PDE1C: variants seen among roughly 807,000 people sequenced by gnomAD.
The protein encoded by PDE1C is phosphodiesterase 1C, also known as dual specificity calcium/calmodulin-dependent 3',5'-cyclic nucleotide phosphodiesterase 1C.
In PDE1C, 62 loss-of-function variants were observed where a neutral mutation model predicts 93.1. The ratio of observed to expected loss-of-function variants is 0.67; its 90% CI spans 0.54 to 0.82. The LOEUF is 0.82. Among genes scored for constraint, PDE1C ranks in the 40% least tolerant of loss-of-function variants. The pLI is 0.00. For missense variants in PDE1C, 742 were observed against 884.6 expected (o/e 0.84, Z 2.04); for synonymous variants, 325 against 310.1 (o/e 1.05, Z -0.50).
At chr7:32,353,613 C>T (rs1156988695) in intron 1 of PDE1C, among the ~76,000 whole-genome samples, 4 of 142,488 alleles carry the variant, frequency 2.8e-5, no homozygotes, top group Non-Finnish European at 4.5e-5. Flanking sequence ...GCACAGATGG[C>T]ATTTGACCAA....
intron 1 of PDE1C, among the ~76,000 whole-genome samples, chr7:32,389,190 GGTT>G (rs1784703014): frequency 1.6e-5 from 2 of 127,934 alleles, no homozygotes; most frequent in South Asian, 2.9e-4. Context: ...GTGTGTGTGT[GGTT>G]TTTTTGGTTT....
chr7:32,102,892 T>TGC (rs1798106347), intron 3 of PDE1C, among the ~76,000 whole-genome samples: 1 of 152,162 alleles, frequency 6.6e-6, no homozygotes, highest in Non-Finnish European at 1.5e-5. Context: ...CTCGGTGGCA[T>TGC]TGCTTCACAT....
intron 1 of PDE1C, among the ~76,000 whole-genome samples, chr7:32,390,848 G>T (rs1784736489): frequency 6.6e-6 from 1 of 151,624 alleles, no homozygotes; most frequent in African/African-American, 2.4e-5. Flanking sequence ...GTGAGTCCTT[G>T]TCAGAAAAAA....
rs762010193 is a variant in PDE1C, at chr7:31,837,919, G to C, written c.1033C>G (p.His345Asp). ...EMVMATDMSCHFQQIKAMKTA... is the reference protein window; with the variant it reads ...EMVMATDMSCDFQQIKAMKTA... ...TTCATTGCTTTGATTTGTTGGAAGT[G>C]ACAAGACATATCTGTGGCCATCACC... The change falls in exon 10 of 18, where the codon CAC (histidine) becomes GAC (aspartate). Residue 345 changes from histidine (H) to aspartate (D), a missense_variant. Physicochemically the swap from His to Asp is moderately conservative, Grantham distance 81. Around this residue, in one of 4 missense-constraint regions of PDE1C, gnomAD observed 454 missense variants for 459.4 expected, o/e 0.99. Coordinates refer to ENST00000396191, the MANE Select transcript of PDE1C (RefSeq NM_001191057.4). The C allele has an allele frequency of 6.2e-7, 1 of 1,613,734 alleles. No homozygotes were observed.
At chr7:31,925,090 TGCATGCGCATGA>T (rs1803193067) in intron 2 of PDE1C, among the ~76,000 whole-genome samples, 1 of 130,642 alleles carries the variant, frequency 7.7e-6, no homozygotes, top group African/African-American at 2.9e-5. Flanking sequence ...TGTGTGTGTG[TGCATGCGCATGA>T]GTGTGTGTGA....
At chr7:31,980,702 TC>T (rs1402843915) in intron 2 of PDE1C, among the ~76,000 whole-genome samples, 1 of 152,162 alleles carries the variant, frequency 6.6e-6, no homozygotes, top group Non-Finnish European at 1.5e-5. Context: ...CTAAAATGGG[TC>T]TCACAGGGCT....
At chr7:32,282,168 A>AG (rs952574638) in intron 1 of PDE1C, among the ~76,000 whole-genome samples, 10 of 151,864 alleles carry the variant, frequency 6.6e-5, no homozygotes, top group East Asian at 5.8e-4. Flanking sequence ...AAAAAAAAAA[A>AG]AAAGAAAGAA....
At chr7:32,229,470 T>C (rs1016972704) in intron 1 of PDE1C, among the ~76,000 whole-genome samples, 1 of 152,226 alleles carries the variant, frequency 6.6e-6, no homozygotes, top group African/African-American at 2.4e-5. Context: ...TCTGTGGGAG[T>C]ACCCTGTTGG....
the PDE1C span, among the ~76,000 whole-genome samples, chr7:31,620,776 G>C: frequency 2.0e-5 from 3 of 152,180 alleles, no homozygotes; most frequent in Non-Finnish European, 4.4e-5. Context: ...CTTTGAGGAG[G>C]CGAGAGAAGA....
chr7:32,394,013 C>T (rs1269566811), intron 1 of PDE1C, among the ~76,000 whole-genome samples: 2 of 152,074 alleles, frequency 1.3e-5, no homozygotes, highest in African/African-American at 4.8e-5. Context: ...AGAAAAAATA[C>T]AGGTTACTAG....
At chr7:31,654,520 G>A in the PDE1C span, among the ~76,000 whole-genome samples, 145 of 152,244 alleles carry the variant, frequency 9.5e-4, no homozygotes, top group Non-Finnish European at 1.7e-3. Flanking sequence ...TGGAGAAAAC[G>A]CCCCTGGGGG....
rs1347313224 is a variant in PDE1C at position 32,420,140 on chromosome 7, C to T, written c.310+7682G>A. Among the ~76,000 whole-genome samples, 164 of 31,146 alleles carry T rather than the reference C, an allele frequency of 5.3e-3. 3 individuals carry two copies. The highest frequency in any genetic ancestry group is 6.5e-3 in the Non-Finnish European group (91 of 13,968). The allele number at this position is 31,146 out of a possible 152,430, so 20.4% of individuals were successfully genotyped here. On this transcript the variant is annotated intron_variant, in intron 1 of 1. Coordinates refer to the PDE1C transcript ENST00000672256. ...ATATATATATACACACACACACACA[C>T]ACACACACACACACACACATATATA... is the stretch of plus-strand genomic sequence containing the variant.
intron 2 of PDE1C, among the ~76,000 whole-genome samples, chr7:31,959,172 G>T (rs1808554290): frequency 6.6e-6 from 1 of 151,742 alleles, no homozygotes; most frequent in African/African-American, 2.4e-5. Flanking sequence ...CATAATTTTG[G>T]TCAATTTGTT....
chr7:32,257,465 T>A (rs1010103397), intron 1 of PDE1C, among the ~76,000 whole-genome samples: 1 of 152,218 alleles, frequency 6.6e-6, no homozygotes. Flanking sequence ...TTATGTGGCT[T>A]ATTTGTGCCT....
chr7:31,641,191 G>A, the PDE1C span, among the ~76,000 whole-genome samples: 1 of 152,108 alleles, frequency 6.6e-6, no homozygotes, highest in Non-Finnish European at 1.5e-5. Context: ...GCAGAGGCTG[G>A]GATCATTTCC....
At chr7:32,253,040 T>C (rs1809505506) in intron 1 of PDE1C, among the ~76,000 whole-genome samples, 1 of 152,162 alleles carries the variant, frequency 6.6e-6, no homozygotes, top group African/African-American at 2.4e-5. Context: ...GAGTTGTGTT[T>C]TTCAAAGATC....
intron 2 of PDE1C, among the ~76,000 whole-genome samples, chr7:32,049,485 G>A (rs1793047486): frequency 6.6e-6 from 1 of 152,004 alleles, no homozygotes; most frequent in South Asian, 2.1e-4. Flanking sequence ...AATAAAAGAG[G>A]GATGAGGAAG....
At chr7:32,203,737 C>T (rs13240630) in intron 2 of PDE1C, among the ~76,000 whole-genome samples, 51,317 of 152,088 alleles carry the variant, frequency 0.34, 9,255 homozygotes, top group Admixed American at 0.46. Flanking sequence ...CACGATTCTG[C>T]TCATGTCTAC....
intron 1 of PDE1C, among the ~76,000 whole-genome samples, chr7:32,212,025 C>CAAAAAAAAAAAAAAAAAA (rs35827566): frequency 1.2e-5 from 1 of 81,280 alleles, no homozygotes; most frequent in Non-Finnish European, 2.5e-5. Context: ...GAACCTATCT[C>CAAAAAAAAAAAAAAAAAA]AAAAAAAAAA....
Sources: gnomAD v4.1 joint callset for allele counts (sites outside exome capture counted in the v4.1 genomes callset) on GRCh38, gnomAD v4.1.1 for gene constraint, gnomAD v4.1.1 regional missense constraint, MANE v1.5 for transcripts, NCBI Gene and HGNC (gene_info 2026-07-23, HGNC 2026-07-21) for gene names.